ANK3: variants seen among roughly 807,000 people sequenced by gnomAD.
ANK3 encodes the protein ankyrin-3.
Under a neutral mutation model 370.9 loss-of-function variants are expected in ANK3, and 57 were observed. The observed-to-expected ratio is 0.15, with a 90% CI of 0.12 to 0.19. The LOEUF (loss-of-function observed/expected upper bound fraction) is 0.19. Among genes scored for constraint, ANK3 ranks in the 10% least tolerant of loss-of-function variants. The pLI is 1.00. For synonymous variants in ANK3, 1,929 were observed against 1,946.3 expected (o/e 0.99, Z 0.23); for missense variants, 4,439 against 5,302.1 (o/e 0.84, Z 5.06).
chr10:60,616,472 T>C (rs749796527), intron 1 of ANK3, among the ~76,000 whole-genome samples: 2 of 152,258 alleles, frequency 1.3e-5, no homozygotes, highest in African/African-American at 2.4e-5. Context: ...ATTTCACATA[T>C]ACAGTATATC....
At chr10:60,666,480 A>T (rs1476499697) in intron 1 of ANK3, among the ~76,000 whole-genome samples, 1 of 152,192 alleles carries the variant, frequency 6.6e-6, no homozygotes, top group Non-Finnish European at 1.5e-5. Context: ...CATTTGCAAC[A>T]TGAAAAGAGT....
rs748345789 is a variant in ANK3 at position 60,059,469 on chromosome 10, C to T, written c.12596-39G>A. Reference sequence around the variant, plus strand: ...CATTTCCAGTTCTGCTTGCTGAACACGCTTAAGAATAGCCTGTACTTTTTC... The same window carrying T: ...CATTTCCAGTTCTGCTTGCTGAACATGCTTAAGAATAGCCTGTACTTTTTC... On this transcript the variant is annotated intron_variant, in intron 40 of 43. Coordinates refer to ENST00000280772, the MANE Select transcript of ANK3 (RefSeq NM_020987.5). 72 of 1,528,340 alleles carry T rather than the reference C, an allele frequency of 4.7e-5. No individual in the cohort carries two copies. In the Middle Eastern group the frequency reaches 1.0e-3, roughly 21 times the overall value. The allele number at this position is 1,528,340 out of a possible 1,614,324, so 94.7% of individuals were successfully genotyped here. A position where few individuals can be genotyped will look rare whatever the true frequency, so the allele number is the denominator to read the frequency against.
At chr10:60,126,835 A>C (rs2093787729) in intron 25 of ANK3, among the ~76,000 whole-genome samples, 1 of 152,202 alleles carries the variant, frequency 6.6e-6, no homozygotes, top group Non-Finnish European at 1.5e-5. Flanking sequence ...GTTGAATGGC[A>C]CTTTAAGATG....
intron 2 of ANK3, among the ~76,000 whole-genome samples, chr10:60,520,433 A>C (rs1474637382): frequency 6.6e-6 from 1 of 152,142 alleles, no homozygotes; most frequent in Non-Finnish European, 1.5e-5. Context: ...TAAAAGTTGA[A>C]TTTAAAAAAA....
At chr10:60,332,994 C>T (rs986125503) in intron 1 of ANK3, among the ~76,000 whole-genome samples, 2 of 152,140 alleles carry the variant, frequency 1.3e-5, no homozygotes, top group African/African-American at 2.4e-5. Flanking sequence ...TGTGTGTACA[C>T]ATATATACCC....
chr10:60,307,879 A>G (rs1593432247), intron 1 of ANK3, among the ~76,000 whole-genome samples: 1 of 152,238 alleles, frequency 6.6e-6, no homozygotes, highest in African/African-American at 2.4e-5. Flanking sequence ...CCTGGATTCT[A>G]TATAATTTGC....
At chr10:60,593,288 A>C (rs2077941921) in intron 2 of ANK3, among the ~76,000 whole-genome samples, 1 of 152,220 alleles carries the variant, frequency 6.6e-6, no homozygotes, top group African/African-American at 2.4e-5. Context: ...CTTTTAAGAC[A>C]TTCTGTGCCT....
intron 1 of ANK3, among the ~76,000 whole-genome samples, chr10:60,691,652 TG>T (rs1347983377): frequency 6.6e-6 from 1 of 152,208 alleles, no homozygotes; most frequent in Non-Finnish European, 1.5e-5. Flanking sequence ...AATATATGTC[TG>T]GATCCTTGAC....
In ANK3 at chr10:60,457,876, G is replaced by A. The variant is rs1176959199; in HGVS notation, c.96+157310C>T. ...GCGAATCAGTGACATGCAGTGGGCG[G>A]TAGTGTAGTAGAGTAGAGAGAAGAC... On this transcript the variant is annotated intron_variant, in intron 2 of 43. Transcript: ENST00000373827. 2.0e-5 allele frequency among the ~76,000 whole-genome samples: 3 copies of A among 152,140 alleles called. No homozygotes were observed. In the East Asian group the frequency reaches 5.8e-4, roughly 29 times the overall value.
intron 1 of ANK3, among the ~76,000 whole-genome samples, chr10:60,372,655 T>A (rs576920952): frequency 4.6e-5 from 7 of 152,262 alleles, no homozygotes; most frequent in Non-Finnish European, 1.0e-4. Flanking sequence ...AGCATAGAGC[T>A]GTTGTCAAGG....
At chr10:60,718,600 A>G (rs957156094) in intron 1 of ANK3, among the ~76,000 whole-genome samples, 1 of 152,206 alleles carries the variant, frequency 6.6e-6, no homozygotes, top group African/African-American at 2.4e-5. Context: ...CAAAAACTAT[A>G]TGCTCCAGCT....
upstream of ANK3, among the ~76,000 whole-genome samples, chr10:60,390,467 G>T (rs1457323662): frequency 6.6e-6 from 1 of 152,068 alleles, no homozygotes; most frequent in Non-Finnish European, 1.5e-5. Flanking sequence ...TCATGTTAGG[G>T]TTTGCTTCAA....
chr10:60,175,368 G>A (rs530728773), intron 18 of ANK3, among the ~76,000 whole-genome samples: 1 of 152,162 alleles, frequency 6.6e-6, no homozygotes, highest in Non-Finnish European at 1.5e-5. Flanking sequence ...GCATAAATAC[G>A]CTCAGAGAGG....
At chr10:60,659,133 G>A (rs377336961) in intron 1 of ANK3, among the ~76,000 whole-genome samples, 5 of 152,050 alleles carry the variant, frequency 3.3e-5, no homozygotes, top group South Asian at 2.1e-4. Context: ...TAAAACTTAC[G>A]AAGAAAATAT....
At chr10:60,350,839 C>CT (rs1476631043) in intron 1 of ANK3, among the ~76,000 whole-genome samples, 40 of 152,152 alleles carry the variant, frequency 2.6e-4, no homozygotes, top group Non-Finnish European at 5.6e-4. Context: ...GGTAATGATG[C>CT]TGCTGCTGCC....
intron 2 of ANK3, among the ~76,000 whole-genome samples, chr10:60,543,295 T>C (rs1442905708): frequency 6.6e-6 from 1 of 152,030 alleles, no homozygotes; most frequent in Non-Finnish European, 1.5e-5. Flanking sequence ...TGCCCCTAGA[T>C]TCCTGTTTCT....
intron 28 of ANK3, among the ~76,000 whole-genome samples, chr10:60,089,529 C>G (rs1039463118): frequency 1.3e-5 from 2 of 149,932 alleles, no homozygotes; most frequent in Admixed American, 6.7e-5. Flanking sequence ...GTTTCAAAGC[C>G]AAATTTTATG....
intron 1 of ANK3, among the ~76,000 whole-genome samples, chr10:60,349,819 C>A (rs2056489015): frequency 1.3e-5 from 2 of 152,106 alleles, no homozygotes; most frequent in African/African-American, 4.8e-5. Context: ...AACTTCAGAG[C>A]AACATGGGTC....
intron 18 of ANK3, among the ~76,000 whole-genome samples, chr10:60,178,994 T>C (rs1209851551): frequency 1.3e-5 from 2 of 152,186 alleles, no homozygotes; most frequent in East Asian, 3.8e-4. Context: ...ACCAGGATTT[T>C]CTAGTCTTCT....
Sources: allele counts gnomAD v4.1 joint callset (sites outside exome capture counted in the v4.1 genomes callset), GRCh38; gene constraint gnomAD v4.1.1; transcripts MANE v1.5; gene names NCBI Gene and HGNC (gene_info 2026-07-23, HGNC 2026-07-21).